The following SYNPR variants were observed in gnomAD, a reference collection of about 807,000 sequenced individuals.
SYNPR encodes the protein synaptoporin.
SYNPR carries 23 observed loss-of-function variants against 32.9 expected under a neutral mutation model. The observed-to-expected ratio is 0.70, with a 90% CI of 0.50 to 0.99. The LOEUF is 0.99. Ranked by LOEUF, SYNPR falls within the 50% of genes least tolerant of loss-of-function variation. SYNPR has a pLI of 0.00. For missense variants in SYNPR, 318 were observed against 349.3 expected, an observed-to-expected ratio of 0.91 and a Z score of 0.71; for synonymous variants, 146 against 135.9, an observed-to-expected ratio of 1.07 and a Z score of -0.52.
intron 2 of SYNPR, among the ~76,000 whole-genome samples, chr3:63,401,781 T>C (rs1484159174): frequency 2.0e-5 from 3 of 152,222 alleles, no homozygotes; most frequent in Non-Finnish European, 4.4e-5. Context: ...AGCATGAATG[T>C]GGCCTTGGGA....
At chr3:63,256,739 GAGA>G (rs1263833294) in intron 2 of SYNPR, among the ~76,000 whole-genome samples, 9 of 152,298 alleles carry the variant, frequency 5.9e-5, no homozygotes, top group East Asian at 5.8e-4. Context: ...GACGAGTTGA[GAGA>G]AGAAGGCTTC....
At chr3:63,264,321 G>C (rs1208114468) in intron 2 of SYNPR, among the ~76,000 whole-genome samples, 1 of 152,104 alleles carries the variant, frequency 6.6e-6, no homozygotes, top group East Asian at 1.9e-4. Context: ...AAGATTAGCA[G>C]ATCGGTGATG....
At chr3:63,256,144 C>A (rs1320911776) in intron 2 of SYNPR, among the ~76,000 whole-genome samples, 1 of 152,232 alleles carries the variant, frequency 6.6e-6, no homozygotes, top group African/African-American at 2.4e-5. Context: ...CCTCTGGGGG[C>A]AGGGCATAGC....
chr3:63,351,995 T>C (rs1227511942), intron 2 of SYNPR, among the ~76,000 whole-genome samples: 1 of 151,862 alleles, frequency 6.6e-6, no homozygotes, highest in African/African-American at 2.4e-5. Flanking sequence ...GGATGGAAAA[T>C]ATGAAACCTG....
At chr3:63,421,079 C>T (rs1243634495) in intron 2 of SYNPR, among the ~76,000 whole-genome samples, 1 of 151,934 alleles carries the variant, frequency 6.6e-6, no homozygotes, top group Non-Finnish European at 1.5e-5. Context: ...ATGGAGTCTC[C>T]CTATGTTGCC....
At chr3:63,343,386 G>C (rs968942294) in intron 2 of SYNPR, among the ~76,000 whole-genome samples, 1 of 152,200 alleles carries the variant, frequency 6.6e-6, no homozygotes, top group African/African-American at 2.4e-5. Flanking sequence ...ACATTATGAA[G>C]TCATGTTATG....
chr3:63,585,499 A>G (rs572485588), intron 4 of SYNPR, among the ~76,000 whole-genome samples: 2 of 151,696 alleles, frequency 1.3e-5, no homozygotes, highest in African/African-American at 4.8e-5. Flanking sequence ...CCAAATAACA[A>G]CACAACATTT....
At chr3:63,368,998 TG>T (rs2087764072) in intron 2 of SYNPR, among the ~76,000 whole-genome samples, 1 of 152,194 alleles carries the variant, frequency 6.6e-6, no homozygotes, top group African/African-American at 2.4e-5. Context: ...CTAAATCATG[TG>T]TCTGCAAAAT....
At chr3:63,310,702 C>T (rs192681535) in intron 2 of SYNPR, among the ~76,000 whole-genome samples, 12 of 152,078 alleles carry the variant, frequency 7.9e-5, no homozygotes, top group Non-Finnish European at 1.8e-4. Flanking sequence ...AACACAGAGC[C>T]AATCCTGAGG....
intron 2 of SYNPR, among the ~76,000 whole-genome samples, chr3:63,354,049 A>G (rs2087543805): frequency 6.6e-6 from 1 of 152,188 alleles, no homozygotes; most frequent in Non-Finnish European, 1.5e-5. Flanking sequence ...GAACTTAAAC[A>G]AGTTGCTGAA....
At chr3:63,599,083 A>G (rs1559547740) in intron 4 of SYNPR, among the ~76,000 whole-genome samples, 1 of 152,190 alleles carries the variant, frequency 6.6e-6, no homozygotes, top group Non-Finnish European at 1.5e-5. Context: ...ATGCTAGTAC[A>G]GTCATGTACC....
At chr3:63,204,997 C>A in the SYNPR span, among the ~76,000 whole-genome samples, 2 of 152,170 alleles carry the variant, frequency 1.3e-5, no homozygotes, top group African/African-American at 4.8e-5. Flanking sequence ...CAGAGTAATT[C>A]TTTATCTGTT....
At chr3:63,209,565 A>G in the SYNPR span, among the ~76,000 whole-genome samples, 1 of 152,176 alleles carries the variant, frequency 6.6e-6, no homozygotes, top group Non-Finnish European at 1.5e-5. Context: ...CCTCATGATT[A>G]GGGTTTAGCC....
chr3:63,218,595 A>C, the SYNPR span, among the ~76,000 whole-genome samples: 1 of 152,200 alleles, frequency 6.6e-6, no homozygotes, highest in African/African-American at 2.4e-5. Flanking sequence ...AAATACCTGT[A>C]AACTCTTTGC....
chr3:63,407,048 T>C (rs1044031567), intron 2 of SYNPR, among the ~76,000 whole-genome samples: 9 of 152,192 alleles, frequency 5.9e-5, no homozygotes, highest in East Asian at 1.9e-4. Context: ...AATTGGAGGA[T>C]TGAAAATATC....
chr3:63,347,955 T>TTGATTCTTGTGTTTGTTTA (rs2087459052), intron 2 of SYNPR, among the ~76,000 whole-genome samples: 1 of 151,672 alleles, frequency 6.6e-6, no homozygotes, highest in South Asian at 2.1e-4. Context: ...AAGCATCTGT[T>TTGATTCTTGTGTTTGTTTA]GCTGGACACT....
intron 2 of SYNPR, among the ~76,000 whole-genome samples, chr3:63,260,232 T>A (rs1047558956): frequency 3.3e-5 from 5 of 152,192 alleles, no homozygotes; most frequent in African/African-American, 1.2e-4. Context: ...TTGAAGTTCA[T>A]ATGGAACCAA....
intron 2 of SYNPR, among the ~76,000 whole-genome samples, chr3:63,352,325 C>G (rs2087520847): frequency 6.6e-6 from 1 of 152,182 alleles, no homozygotes; most frequent in East Asian, 1.9e-4. Flanking sequence ...AAAGAATCTC[C>G]TGAGGAGCTT....
intron 4 of SYNPR, among the ~76,000 whole-genome samples, chr3:63,595,830 T>C (rs1216279022): frequency 1.5e-5 from 1 of 65,760 alleles, no homozygotes; most frequent in Non-Finnish European, 2.8e-5. Context: ...TATATATATA[T>C]AGTTATATAT....
Sources: allele counts gnomAD v4.1 joint callset (sites outside exome capture counted in the v4.1 genomes callset), GRCh38; gene constraint gnomAD v4.1.1; transcripts MANE v1.5; gene names NCBI Gene and HGNC (gene_info 2026-07-23, HGNC 2026-07-21).